The following MOCOS variants were observed in gnomAD, a reference collection of about 807,000 sequenced individuals.
The protein encoded by MOCOS is molybdenum cofactor sulfurase.
A neutral mutation model predicts 83.6 loss-of-function variants in MOCOS; 86 were observed. That is an observed-to-expected ratio of 1.03 (90% CI 0.86 to 1.23). The LOEUF is 1.23. Among genes scored for constraint, MOCOS ranks in the 50% most tolerant of loss-of-function variants. MOCOS has a pLI of 0.00. For synonymous variants in MOCOS, 445 were observed against 434.7 expected (o/e 1.02, Z -0.29); for missense variants, 1,120 against 1,126.9 (o/e 0.99, Z 0.09).
chr18:36,194,626 G>A (rs912686743), intron 1 of MOCOS, among the ~76,000 whole-genome samples: 3 of 152,208 alleles, frequency 2.0e-5, no homozygotes, highest in African/African-American at 7.2e-5. Flanking sequence ...CCAAATTGCT[G>A]AGCATAAAGG....
At chr18:36,257,308 T>C (rs1426243951) in intron 12 of MOCOS, among the ~76,000 whole-genome samples, 3 of 152,186 alleles carry the variant, frequency 2.0e-5, no homozygotes, top group African/African-American at 2.4e-5. Context: ...ATCCTCAAGA[T>C]GGTTAATGGA....
intron 6 of MOCOS, among the ~76,000 whole-genome samples, chr18:36,212,553 G>A (rs745691544): frequency 1.3e-5 from 2 of 152,306 alleles, no homozygotes; most frequent in Non-Finnish European, 1.5e-5. Flanking sequence ...AAGGGTGAAG[G>A]AACAGAATTG....
intron 9 of MOCOS, among the ~76,000 whole-genome samples, chr18:36,223,526 A>G (rs966029669): frequency 2.0e-5 from 3 of 152,158 alleles, no homozygotes; most frequent in African/African-American, 7.2e-5. Context: ...AGGAATTGTG[A>G]CAACTCCAGC....
chr18:36,195,528 A>C (rs2091384091), intron 2 of MOCOS, among the ~76,000 whole-genome samples, 182 bp downstream of exon 2: 1 of 152,158 alleles, frequency 6.6e-6, no homozygotes, highest in African/African-American at 2.4e-5. Flanking sequence ...TGTGGCCGGG[A>C]TGGAGGGAGC....
chr18:36,259,651 C>T (rs190613190), intron 12 of MOCOS, among the ~76,000 whole-genome samples: 1 of 152,018 alleles, frequency 6.6e-6, no homozygotes, highest in East Asian at 1.9e-4. Context: ...ATCATTAAGC[C>T]TGTTGACAGG....
At chr18:36,237,044 G>T (rs1176333161) in intron 9 of MOCOS, among the ~76,000 whole-genome samples, 1 of 148,838 alleles carries the variant, frequency 6.7e-6, no homozygotes, top group East Asian at 2.0e-4. Context: ...TGAGACAATG[G>T]GGTTTTCTAG....
chr18:36,240,488 C>G (rs1043129554), intron 9 of MOCOS, among the ~76,000 whole-genome samples: 8 of 150,380 alleles, frequency 5.3e-5, no homozygotes, highest in Non-Finnish European at 1.2e-4. Context: ...GGCAGTCTGC[C>G]CGTTCTCAGA....
intron 11 of MOCOS, 129 bp from the exon 12 acceptor site, chr18:36,256,839 G>T: frequency 2.4e-6 from 2 of 820,630 alleles, no homozygotes; most frequent in Non-Finnish European, 4.3e-6. Flanking sequence ...TTTTATTATT[G>T]CCAGGACATC....
chr18:36,237,533 C>A (rs897739266), intron 9 of MOCOS, among the ~76,000 whole-genome samples: 14 of 152,110 alleles, frequency 9.2e-5, no homozygotes, highest in Non-Finnish European at 1.9e-4. Context: ...ATTTGGTTTG[C>A]CAGTATTTTA....
intron 1 of MOCOS, among the ~76,000 whole-genome samples, chr18:36,188,987 ATG>A (rs1465890991): frequency 6.6e-6 from 1 of 151,862 alleles, no homozygotes; most frequent in African/African-American, 2.4e-5. Context: ...GAGGGGTACT[ATG>A]AATGCCTACA....
intron 8 of MOCOS, 112 bp downstream of exon 8, chr18:36,216,089 G>A: frequency 2.6e-6 from 3 of 1,156,702 alleles, no homozygotes; most frequent in Non-Finnish European, 3.7e-6. Flanking sequence ...AGAGTGTTGT[G>A]GTGAGAAAAG....
In MOCOS at chr18:36,268,683, TAA is replaced by T; in HGVS notation, c.*5_*6del. ...ASEKHQDVTS[*>X] is the part of the protein sequence containing the mutation. ...TGAGAAACACCAGGATGTTACCTCC[TAA>T]AAAAAATTTTTAGCATAAAGTTTCT... is the stretch of plus-strand genomic sequence containing the variant. On this transcript the variant is annotated frameshift_variant and stop_lost, in exon 15 of 15. Coordinates refer to ENST00000261326, the MANE Select transcript of MOCOS (RefSeq NM_017947.4). LOFTEE classifies it high-confidence loss of function. The T allele has an allele frequency of 6.4e-7, 1 of 1,553,418 alleles. No individual in the cohort carries two copies. Among genetic ancestry groups the T allele is most frequent in the Non-Finnish European group, 8.6e-7 (1 of 1,156,594 alleles).
chr18:36,218,577 C>A (rs1489262280), intron 8 of MOCOS, among the ~76,000 whole-genome samples: 1 of 152,096 alleles, frequency 6.6e-6, no homozygotes, highest in Non-Finnish European at 1.5e-5. Flanking sequence ...TACAGTGCTG[C>A]CATCAAAGCT....
At chr18:36,226,358 C>A (rs1409252779) in intron 9 of MOCOS, among the ~76,000 whole-genome samples, 1 of 151,992 alleles carries the variant, frequency 6.6e-6, no homozygotes, top group African/African-American at 2.4e-5. Flanking sequence ...TTTTGGTTAC[C>A]ATTTGCATGG....
chr18:36,196,289 T>G (rs180674280), intron 2 of MOCOS, among the ~76,000 whole-genome samples: 1 of 152,316 alleles, frequency 6.6e-6, no homozygotes, highest in Admixed American at 6.5e-5. Flanking sequence ...AAGTAACATT[T>G]ATCAGGTACT....
At chr18:36,218,526 T>C (rs2091483211) in intron 8 of MOCOS, among the ~76,000 whole-genome samples, 1 of 152,130 alleles carries the variant, frequency 6.6e-6, no homozygotes, top group Non-Finnish European at 1.5e-5. Flanking sequence ...CTTATTATTA[T>C]TTTTTCGAGA....
chr18:36,251,378 G>A, intron 11 of MOCOS, 95 bp downstream of exon 11: 2 of 1,500,860 alleles, frequency 1.3e-6, no homozygotes, highest in Non-Finnish European at 1.8e-6. Context: ...CGGGTGACTT[G>A]CTGATGTATG....
chr18:36,213,591 G>T, intron 7 of MOCOS, 109 bp downstream of exon 7: 1 of 889,344 alleles, frequency 1.1e-6, no homozygotes, highest in South Asian at 1.4e-5. Context: ...ATTTCTCCAC[G>T]CCTACTCTGT....
At chr18:36,216,526 A>G (rs907661364) in intron 8 of MOCOS, among the ~76,000 whole-genome samples, 2 of 152,240 alleles carry the variant, frequency 1.3e-5, no homozygotes, top group African/African-American at 2.4e-5. Flanking sequence ...CCATGAGTCC[A>G]GTAGAAAGTA....
Sources: allele counts gnomAD v4.1 joint callset (sites outside exome capture counted in the v4.1 genomes callset), GRCh38; gene constraint gnomAD v4.1.1; transcripts MANE v1.5; gene names NCBI Gene and HGNC (gene_info 2026-07-23, HGNC 2026-07-21).